Variants in SLC24A3 observed in about 807,000 individuals in gnomAD.
SLC24A3 encodes the protein solute carrier family 24 member 3, also known as sodium/potassium/calcium exchanger 3.
In SLC24A3, 28 loss-of-function variants were observed where a neutral mutation model predicts 75.8. The ratio of observed to expected loss-of-function variants is 0.37; its 90% CI spans 0.27 to 0.51. The LOEUF (loss-of-function observed/expected upper bound fraction) is 0.51. Ranked by LOEUF, SLC24A3 falls within the 20% of genes least tolerant of loss-of-function variation. The probability of loss-of-function intolerance (pLI) is 0.94; values close to 1 mark genes in which losing one functional copy is unlikely to be tolerated. For synonymous variants in SLC24A3, 372 were observed against 334.1 expected (o/e 1.11, Z -1.24); for missense variants, 663 against 847.8 (o/e 0.78, Z 2.71).
chr20:19,273,216 C>T (rs1379530843), intron 1 of SLC24A3, among the ~76,000 whole-genome samples: 1 of 152,184 alleles, frequency 6.6e-6, no homozygotes, highest in Non-Finnish European at 1.5e-5. Context: ...GTGGGCGAGG[C>T]CATGTAGGGG....
chr20:19,234,638 G>A (rs1667610610), intron 1 of SLC24A3, among the ~76,000 whole-genome samples: 1 of 152,212 alleles, frequency 6.6e-6, no homozygotes, highest in Admixed American at 6.5e-5. Context: ...CCCATGGATG[G>A]TGGCTTTGCT....
At chr20:19,712,099 A>G (rs1449879707) in intron 15 of SLC24A3, among the ~76,000 whole-genome samples, 1 of 152,114 alleles carries the variant, frequency 6.6e-6, no homozygotes, top group East Asian at 1.9e-4. Flanking sequence ...GAGACACTCC[A>G]ACAGAACTGG....
chr20:19,262,806 T>G lies in SLC24A3; in HGVS notation c.143-18153T>G, dbSNP rs150641096. ...CTGCTCTTGCTCTTACGATTATTTCTGAATGTAATACAGCTCTAACTTCAG... is the reference window on the plus strand; with the variant it reads ...CTGCTCTTGCTCTTACGATTATTTCGGAATGTAATACAGCTCTAACTTCAG... On this transcript the variant is annotated intron_variant, in intron 1 of 16. Coordinates refer to ENST00000328041, the MANE Select transcript of SLC24A3 (RefSeq NM_020689.4). 4.1e-4 allele frequency among the ~76,000 whole-genome samples: 63 copies of G among 152,318 alleles called. 1 individual carries two copies. In the East Asian group the frequency reaches 9.1e-3, roughly 22 times the overall value.
chr20:19,237,328 G>A (rs1982194311), intron 1 of SLC24A3, among the ~76,000 whole-genome samples: 1 of 152,096 alleles, frequency 6.6e-6, no homozygotes, highest in African/African-American at 2.4e-5. Context: ...TAGCTGGCTG[G>A]CCATCTGCTG....
chr20:19,405,114 TGCCCCC>T (rs1350814932), intron 2 of SLC24A3, among the ~76,000 whole-genome samples: 1 of 152,130 alleles, frequency 6.6e-6, no homozygotes, highest in East Asian at 1.9e-4. Context: ...TCTTTTCAGC[TGCCCCC>T]GCCCCAATCC....
chr20:19,392,125 G>A (rs1419626398), intron 2 of SLC24A3, among the ~76,000 whole-genome samples: 1 of 152,170 alleles, frequency 6.6e-6, no homozygotes, highest in East Asian at 1.9e-4. Context: ...AAAGGTCCTT[G>A]GAGCATAGAT....
intron 2 of SLC24A3, among the ~76,000 whole-genome samples, chr20:19,428,498 A>T (rs1209220110): frequency 1.3e-5 from 2 of 152,232 alleles, no homozygotes; most frequent in African/African-American, 2.4e-5. Flanking sequence ...CCACATTTGC[A>T]TGTTGGTGTC....
chr20:19,557,461 A>G (rs1568655367), intron 3 of SLC24A3, among the ~76,000 whole-genome samples: 3 of 152,168 alleles, frequency 2.0e-5, no homozygotes, highest in Non-Finnish European at 4.4e-5. Flanking sequence ...AACATTTGCA[A>G]GCTAACCCCT....
At chr20:19,220,630 A>G (rs565427150) in intron 1 of SLC24A3, among the ~76,000 whole-genome samples, 2 of 152,356 alleles carry the variant, frequency 1.3e-5, no homozygotes, top group South Asian at 2.1e-4. Context: ...TCAAGGTGAT[A>G]AGCATTTGTG....
intron 2 of SLC24A3, among the ~76,000 whole-genome samples, chr20:19,436,482 A>T (rs1987205635): frequency 6.6e-6 from 1 of 152,164 alleles, no homozygotes; most frequent in African/African-American, 2.4e-5. Flanking sequence ...TCTCCAGGGG[A>T]TATCTTCCCC....
chr20:19,275,310 G>T (rs1414730215), intron 1 of SLC24A3, among the ~76,000 whole-genome samples: 1 of 152,204 alleles, frequency 6.6e-6, no homozygotes, highest in Non-Finnish European at 1.5e-5. Flanking sequence ...CCCTGCAAGA[G>T]GATGGAGTGA....
chr20:19,690,343 CACTA>C (rs1321458370), intron 12 of SLC24A3, among the ~76,000 whole-genome samples: 1 of 152,206 alleles, frequency 6.6e-6, no homozygotes, highest in African/African-American at 2.4e-5. Context: ...AATTCACTGG[CACTA>C]ACTTACACTT....
intron 6 of SLC24A3, among the ~76,000 whole-genome samples, chr20:19,613,662 T>A (rs539603779): frequency 1.3e-5 from 2 of 152,324 alleles, no homozygotes; most frequent in East Asian, 3.9e-4. Context: ...CTCCTTGGGA[T>A]GTTCACGCAT....
At chr20:19,479,755 C>G (rs1008807119) in intron 2 of SLC24A3, among the ~76,000 whole-genome samples, 1 of 152,218 alleles carries the variant, frequency 6.6e-6, no homozygotes, top group Non-Finnish European at 1.5e-5. Context: ...GCATCAGGGG[C>G]ATTAACCCCT....
At chr20:19,456,743 T>C (rs1038115644) in intron 2 of SLC24A3, among the ~76,000 whole-genome samples, 1 of 152,194 alleles carries the variant, frequency 6.6e-6, no homozygotes, top group Admixed American at 6.5e-5. Flanking sequence ...ACCCTAGTCA[T>C]TGGGCAAGAC....
chr20:19,321,145 A>C (rs777393434), intron 2 of SLC24A3, among the ~76,000 whole-genome samples: 17 of 152,150 alleles, frequency 1.1e-4, no homozygotes, highest in Non-Finnish European at 2.5e-4. Flanking sequence ...AGCGTTTGAC[A>C]GTAAGCTGCA....
chr20:19,423,671 C>G (rs764199167), intron 2 of SLC24A3, among the ~76,000 whole-genome samples: 2 of 152,142 alleles, frequency 1.3e-5, no homozygotes, highest in African/African-American at 4.8e-5. Context: ...AGCAAGGAAG[C>G]AGGAATCCTG....
intron 2 of SLC24A3, among the ~76,000 whole-genome samples, chr20:19,312,427 T>C (rs1984480123): frequency 6.6e-6 from 1 of 152,148 alleles, no homozygotes; most frequent in Non-Finnish European, 1.5e-5. Context: ...TAAGAATGCA[T>C]ACATATCCTA....
At chr20:19,439,845 C>A (rs1442159222) in intron 2 of SLC24A3, among the ~76,000 whole-genome samples, 1 of 152,072 alleles carries the variant, frequency 6.6e-6, no homozygotes, top group Admixed American at 6.5e-5. Flanking sequence ...TTAACTCTTG[C>A]TGAGGGTAAG....
Sources: allele counts gnomAD v4.1 joint callset (sites outside exome capture counted in the v4.1 genomes callset), GRCh38; gene constraint gnomAD v4.1.1; transcripts MANE v1.5; gene names NCBI Gene and HGNC (gene_info 2026-07-23, HGNC 2026-07-21).